The following DCAF6 variants were observed in gnomAD, a reference collection of about 807,000 sequenced individuals.
DCAF6 encodes DDB1- and CUL4-associated factor 6.
A neutral mutation model predicts 125.1 loss-of-function variants in DCAF6; 54 were observed. The ratio of observed to expected loss-of-function variants is 0.43; its 90% confidence interval spans 0.35 to 0.54. The LOEUF is 0.54. Among genes scored for constraint, DCAF6 ranks in the 20% least tolerant of loss-of-function variants. The pLI is 0.01. For synonymous variants in DCAF6, 371 were observed against 390.4 expected (o/e 0.95, Z 0.58); for missense variants, 934 against 1,161.7 (o/e 0.80, Z 2.85).
At chr1:167,906,295 TAAAAGG>T in the DCAF6 span, among the ~76,000 whole-genome samples, 3 of 151,800 alleles carry the variant, frequency 2.0e-5, no homozygotes, top group African/African-American at 7.2e-5. Context: ...GGATAACCTT[TAAAAGG>T]AAAAGTCCTG....
At chr1:168,048,362 A>T (rs551250104) in intron 16 of DCAF6, among the ~76,000 whole-genome samples, 2 of 152,336 alleles carry the variant, frequency 1.3e-5, no homozygotes, top group South Asian at 4.1e-4. Context: ...ACTTTATATG[A>T]AGAACTATAT....
intron 17 of DCAF6, 103 bp from the exon 18 acceptor site, chr1:168,063,518 G>T: frequency 1.0e-6 from 1 of 995,254 alleles, no homozygotes. Flanking sequence ...TTGAGATAGT[G>T]TGTTTATGTA....
At chr1:168,030,650 G>T (rs1686964265) in intron 12 of DCAF6, among the ~76,000 whole-genome samples, 2 of 152,198 alleles carry the variant, frequency 1.3e-5, no homozygotes, top group Non-Finnish European at 2.9e-5. Flanking sequence ...GTGGTAGATT[G>T]AATGACACAG....
Position 168,002,509 on chromosome 1 carries a change from A to C in DCAF6, c.931A>C (p.Arg311=). The C allele has an allele frequency of 1.2e-6, 2 of 1,613,014 alleles. No individual in the cohort carries two copies. Among genetic ancestry groups the C allele is most frequent in the Non-Finnish European group, 1.7e-6 (2 of 1,179,210 alleles). The change falls in exon 8 of 22, where the codon AGA becomes CGA. Residue 311 remains arginine (R), a synonymous_variant. Coordinates refer to ENST00000367840, the MANE Select transcript of DCAF6 (RefSeq NM_001198956.2). ...ELRQPPVKRL[R]LRGDWSDTGP... is the part of the protein sequence containing the mutation. ...GCGACAACCACCAGTTAAGCGTTTG[A>C]GACTTCGTGGTGATTGGTCAGATAC...
intron 7 of DCAF6, among the ~76,000 whole-genome samples, chr1:167,999,747 T>C (rs1682315333): frequency 6.6e-6 from 1 of 152,184 alleles, no homozygotes; most frequent in African/African-American, 2.4e-5. Flanking sequence ...AGCGCCTTGC[T>C]CTGGGTTAGG....
chr1:168,002,337 C>T, intron 7 of DCAF6, 145 bp from the exon 8 acceptor site: 1 of 619,174 alleles, frequency 1.6e-6, no homozygotes, highest in Non-Finnish European at 2.8e-6. Flanking sequence ...ACGCTTATAC[C>T]AGTGTCTTTC....
At chr1:167,891,899 G>A in the DCAF6 span, among the ~76,000 whole-genome samples, 105 of 151,704 alleles carry the variant, frequency 6.9e-4, 1 homozygote, top group Non-Finnish European at 1.4e-3. Context: ...GAAGGTCCTG[G>A]TTTCATGTAA....
At chr1:167,987,172 T>C (rs187163396) in intron 4 of DCAF6, among the ~76,000 whole-genome samples, 1 of 152,284 alleles carries the variant, frequency 6.6e-6, no homozygotes, top group East Asian at 1.9e-4. Flanking sequence ...AAATTAAGCT[T>C]TGAATAGTTT....
At chr1:168,052,085 T>C (rs906357392) in intron 17 of DCAF6, among the ~76,000 whole-genome samples, 3 of 152,120 alleles carry the variant, frequency 2.0e-5, no homozygotes, top group Admixed American at 1.3e-4. Context: ...TTGGTCACCA[T>C]GTTGGCCAGG....
intron 14 of DCAF6, among the ~76,000 whole-genome samples, chr1:168,043,993 A>C (rs1688849872): frequency 1.3e-5 from 2 of 152,162 alleles, no homozygotes. Context: ...GGATCAGGTA[A>C]TTTCAGCTGT....
At chr1:167,991,771 C>G (rs1680867503) in intron 6 of DCAF6, among the ~76,000 whole-genome samples, 1 of 152,150 alleles carries the variant, frequency 6.6e-6, no homozygotes, top group South Asian at 2.1e-4. Context: ...CTCTTAATCT[C>G]TGCCACTCTC....
At chr1:167,963,758 T>G (rs921400331) in intron 2 of DCAF6, among the ~76,000 whole-genome samples, 1 of 149,466 alleles carries the variant, frequency 6.7e-6, no homozygotes, top group African/African-American at 2.5e-5. Context: ...GCATTTCATA[T>G]AGTTTTTTTT....
chr1:168,063,810 A>C (rs760308477), intron 18 of DCAF6, 51 bp downstream of exon 18: 2 of 1,555,210 alleles, frequency 1.3e-6, no homozygotes, highest in South Asian at 1.2e-5. Flanking sequence ...TCATGCTCTG[A>C]GTGTTTTTCC....
chr1:168,026,304 C>T (rs149618487), intron 12 of DCAF6, among the ~76,000 whole-genome samples: 12 of 152,116 alleles, frequency 7.9e-5, no homozygotes, highest in South Asian at 2.1e-4. Flanking sequence ...ATTCGTTAAA[C>T]GAGTGAGTAA....
intron 1 of DCAF6, among the ~76,000 whole-genome samples, chr1:167,948,805 C>G (rs113070317): frequency 0.1 from 15,193 of 152,118 alleles, 843 homozygotes; most frequent in African/African-American, 0.13. Context: ...GTGCCCATCA[C>G]CACACCCGGC....
At chr1:168,051,298 T>C (rs550927076) in intron 17 of DCAF6, among the ~76,000 whole-genome samples, 8 of 152,378 alleles carry the variant, frequency 5.3e-5, no homozygotes, top group African/African-American at 1.4e-4. Flanking sequence ...TTACCAACTT[T>C]TTGTTATTCG....
the DCAF6 span, chr1:167,880,552 T>G: frequency 5.6e-6 from 9 of 1,613,972 alleles, no homozygotes; most frequent in Non-Finnish European, 7.6e-6. Context: ...AGAGCATGAG[T>G]GAGCTCGTCA....
chr1:168,065,891 T>G lies in DCAF6; in HGVS notation c.2596+145T>G, dbSNP rs1572167862. The G allele has an allele frequency of 4.3e-6, 3 of 697,544 alleles. No individual in the cohort carries two copies. The East Asian group carries it at 8.6e-5, about 20-fold the overall frequency. The allele number at this position is 697,544 out of a possible 1,614,324, so 43.2% of individuals were successfully genotyped here. On this transcript the variant is annotated intron_variant, in intron 19 of 21. Coordinates refer to ENST00000367840, the MANE Select transcript of DCAF6 (RefSeq NM_001198956.2). ...GCAGTAGAGTCAATTACAGCTGAAC[T>G]TGCACTTCAAACACACCTGTAATCT...
intron 4 of DCAF6, among the ~76,000 whole-genome samples, chr1:167,976,027 C>T (rs1248056357): frequency 6.6e-6 from 1 of 151,966 alleles, no homozygotes; most frequent in Non-Finnish European, 1.5e-5. Flanking sequence ...TTTTCTTATC[C>T]AGTCTCACAG....
Sources: gnomAD v4.1 joint callset for allele counts (sites outside exome capture counted in the v4.1 genomes callset) on GRCh38, gnomAD v4.1.1 for gene constraint, MANE v1.5 for transcripts, NCBI Gene and HGNC (gene_info 2026-07-23, HGNC 2026-07-21) for gene names.